CACNA2D1: variants seen among roughly 807,000 people sequenced by gnomAD.
The protein encoded by CACNA2D1 is voltage-dependent calcium channel subunit alpha-2/delta-1.
CACNA2D1 carries 53 observed loss-of-function variants against 171.5 expected under a neutral mutation model. The ratio of observed to expected loss-of-function variants is 0.31; its 90% CI spans 0.25 to 0.39. The LOEUF is 0.39. Among genes scored for constraint, CACNA2D1 ranks in the 10% least tolerant of loss-of-function variants. The pLI is 1.00. For synonymous variants in CACNA2D1, 442 were observed against 443.1 expected (o/e 1.00, Z 0.03); for missense variants, 903 against 1,299.8 (o/e 0.69, Z 4.69).
intron 3 of CACNA2D1, among the ~76,000 whole-genome samples, chr7:82,229,092 T>A (rs1469553475): frequency 1.3e-5 from 2 of 152,190 alleles, no homozygotes; most frequent in African/African-American, 2.4e-5. Flanking sequence ...ATTCAATTTT[T>A]AAACAAGCTT....
At chr7:81,985,863 T>C (rs1437042931) in intron 21 of CACNA2D1, among the ~76,000 whole-genome samples, 2 of 152,176 alleles carry the variant, frequency 1.3e-5, no homozygotes, top group Non-Finnish European at 2.9e-5. Flanking sequence ...AAATTCAGAA[T>C]GTTTTAGACA....
At chr7:82,254,036 C>T (rs992034669) in intron 3 of CACNA2D1, among the ~76,000 whole-genome samples, 1 of 151,898 alleles carries the variant, frequency 6.6e-6, no homozygotes, top group Admixed American at 6.6e-5. Flanking sequence ...TCTGATTTAC[C>T]GAAAATAAAT....
At chr7:82,107,204 A>G (rs1320183475) in intron 6 of CACNA2D1, among the ~76,000 whole-genome samples, 1 of 152,142 alleles carries the variant, frequency 6.6e-6, no homozygotes, top group South Asian at 2.1e-4. Flanking sequence ...GTAGTACCCT[A>G]GGTAGTTCTG....
chr7:82,442,902 A>G (rs1385911163), intron 1 of CACNA2D1, among the ~76,000 whole-genome samples: 2 of 152,224 alleles, frequency 1.3e-5, no homozygotes, highest in Admixed American at 1.3e-4. Context: ...ATTAAAGAGC[A>G]TCTCCGAGGC....
intron 38 of CACNA2D1, among the ~76,000 whole-genome samples, chr7:81,953,668 T>C (rs957437016): frequency 6.6e-6 from 1 of 152,056 alleles, no homozygotes; most frequent in African/African-American, 2.4e-5. Context: ...GCAGCACACA[T>C]GGACTGGTTA....
chr7:82,380,527 C>T lies in CACNA2D1; in HGVS notation c.96-30878G>A, dbSNP rs180923680. On this transcript the variant is annotated intron_variant, in intron 1 of 38. Coordinates refer to ENST00000356860, the MANE Select transcript of CACNA2D1 (RefSeq NM_000722.4). ...TAGAACATATTTTTATAGAGACAGGCGGCAAGTGAGAGGGAAGGGCCTCCA... is the reference window on the plus strand; with the variant it reads ...TAGAACATATTTTTATAGAGACAGGTGGCAAGTGAGAGGGAAGGGCCTCCA... Among the ~76,000 whole-genome samples, 395 of 151,964 alleles carry T rather than the reference C, an allele frequency of 2.6e-3. 3 individuals are homozygous for T. Among genetic ancestry groups the T allele is most frequent in the Middle Eastern group, 0.017 (5 of 292 alleles).
At chr7:82,180,234 A>T (rs2237514) in intron 3 of CACNA2D1, among the ~76,000 whole-genome samples, 9 of 151,910 alleles carry the variant, frequency 5.9e-5, no homozygotes, top group Admixed American at 2.0e-4. Flanking sequence ...TGATCCTCTG[A>T]GGCAAGTGCG....
At chr7:82,208,517 TA>T (rs1425677461) in intron 3 of CACNA2D1, among the ~76,000 whole-genome samples, 1 of 152,170 alleles carries the variant, frequency 6.6e-6, no homozygotes, top group Non-Finnish European at 1.5e-5. Flanking sequence ...AATGTGTTTT[TA>T]AACAAAAATA....
rs549226651 is a variant in CACNA2D1 at position 82,313,008 on chromosome 7, G to C, written c.294+22127C>G. On this transcript the variant is annotated intron_variant, in intron 3 of 38. Coordinates refer to ENST00000356860, the MANE Select transcript of CACNA2D1 (RefSeq NM_000722.4). ...TATTAACGATCCATTTAAGTGCATCGTATGTACAGTCCTGGTTTGAGAGTC... is the reference window on the plus strand; with the variant it reads ...TATTAACGATCCATTTAAGTGCATCCTATGTACAGTCCTGGTTTGAGAGTC... 2.8e-4 allele frequency among the ~76,000 whole-genome samples: 42 copies of C among 152,170 alleles called. No individual in the cohort carries two copies. In the East Asian group the frequency reaches 7.9e-3, roughly 29 times the overall value.
At chr7:82,035,631 G>A (rs1803209301) in intron 11 of CACNA2D1, among the ~76,000 whole-genome samples, 1 of 152,010 alleles carries the variant, frequency 6.6e-6, no homozygotes, top group Non-Finnish European at 1.5e-5. Flanking sequence ...CTCTAGTGAG[G>A]CTACCTCTGA....
At chr7:81,966,194 T>C (rs975103979) in intron 31 of CACNA2D1, among the ~76,000 whole-genome samples, 5 of 73,696 alleles carry the variant, frequency 6.8e-5, no homozygotes, top group Admixed American at 5.4e-4. Flanking sequence ...ACAAAAAATG[T>C]CCATGGTTAA....
intron 3 of CACNA2D1, among the ~76,000 whole-genome samples, chr7:82,200,732 T>C (rs1799332013): frequency 6.6e-6 from 1 of 152,138 alleles, no homozygotes; most frequent in Non-Finnish European, 1.5e-5. Flanking sequence ...AACTCAGGCC[T>C]AAAAAAGATT....
intron 3 of CACNA2D1, among the ~76,000 whole-genome samples, chr7:82,230,384 T>C (rs1274433867): frequency 2.0e-5 from 3 of 152,078 alleles, no homozygotes; most frequent in Non-Finnish European, 4.4e-5. Context: ...AATGAATGCT[T>C]CACAATTTAT....
Position 82,061,659 on chromosome 7 carries a change from C to T in CACNA2D1, c.780-1132G>A, listed in dbSNP as rs116491618. ...AGTAAAGAAAGAGTTTAATTGATGC[C>T]GGGCCAGTCATGCCAGACAGGAGAT... On this transcript the variant is annotated intron_variant, in intron 9 of 38. Transcript: ENST00000356860. Among the ~76,000 whole-genome samples the T allele has an allele frequency of 3.7e-3, 568 of 152,186 alleles. 5 individuals are homozygous for T. Among genetic ancestry groups the T allele is most frequent in the African/African-American group, 0.013 (535 of 41,522 alleles).
intron 3 of CACNA2D1, among the ~76,000 whole-genome samples, chr7:82,195,157 C>T (rs981661445): frequency 1.4e-4 from 22 of 151,934 alleles, no homozygotes; most frequent in African/African-American, 4.8e-4. Context: ...AATGACACTG[C>T]AATTAGTACC....
intron 3 of CACNA2D1, among the ~76,000 whole-genome samples, chr7:82,298,306 C>T (rs1164236305): frequency 6.6e-6 from 1 of 152,100 alleles, no homozygotes; most frequent in East Asian, 1.9e-4. Flanking sequence ...ACTGTAACTG[C>T]CACTAAAAGA....
intron 7 of CACNA2D1, among the ~76,000 whole-genome samples, chr7:82,081,114 T>G (rs747119086): frequency 1.3e-5 from 2 of 152,190 alleles, no homozygotes; most frequent in Non-Finnish European, 2.9e-5. Context: ...AAGTCTTCCA[T>G]GTAAAAGTTC....
intron 3 of CACNA2D1, among the ~76,000 whole-genome samples, chr7:82,220,875 T>G (rs1477425731): frequency 6.7e-6 from 1 of 149,500 alleles, no homozygotes; most frequent in Non-Finnish European, 1.5e-5. Context: ...ACCACACAGG[T>G]TAAAGCGATT....
At chr7:82,397,736 C>A (rs1035254875) in intron 1 of CACNA2D1, among the ~76,000 whole-genome samples, 3 of 152,072 alleles carry the variant, frequency 2.0e-5, no homozygotes, top group Non-Finnish European at 4.4e-5. Flanking sequence ...GCACATATGA[C>A]CCATTTAATC....
Sources: gnomAD v4.1 joint callset for allele counts (sites outside exome capture counted in the v4.1 genomes callset) on GRCh38, gnomAD v4.1.1 for gene constraint, MANE v1.5 for transcripts, NCBI Gene and HGNC (gene_info 2026-07-23, HGNC 2026-07-21) for gene names.